The following DLG5 variants were observed in gnomAD, a reference collection of about 807,000 sequenced individuals.
The protein encoded by DLG5 is discs large MAGUK scaffold protein 5, also known as disks large homolog 5.
In DLG5, 48 loss-of-function variants were observed where a neutral mutation model predicts 189.8. That is an observed-to-expected ratio of 0.25 (90% CI 0.20 to 0.32). The LOEUF (loss-of-function observed/expected upper bound fraction) is 0.32. Ranked by LOEUF, DLG5 falls within the 10% of genes least tolerant of loss-of-function variation. The pLI is 1.00. For synonymous variants in DLG5, 1,016 were observed against 1,054.1 expected (o/e 0.96, Z 0.70); for missense variants, 2,160 against 2,544.7 (o/e 0.85, Z 3.25).
At chr10:77,924,168 G>A (rs1014908537) in intron 1 of DLG5, among the ~76,000 whole-genome samples, 7 of 152,116 alleles carry the variant, frequency 4.6e-5, no homozygotes, top group East Asian at 1.9e-4. Context: ...CCCAACCAGC[G>A]TTTTTCTAAT....
chr10:77,870,398 C>T (rs1290765645), intron 1 of DLG5, among the ~76,000 whole-genome samples: 1 of 152,112 alleles, frequency 6.6e-6, no homozygotes, highest in Non-Finnish European at 1.5e-5. Flanking sequence ...TTAAGGAGCT[C>T]CCAGCAGGGC....
intron 1 of DLG5, among the ~76,000 whole-genome samples, chr10:77,903,744 T>C (rs1165533549): frequency 6.6e-6 from 1 of 150,868 alleles, no homozygotes; most frequent in African/African-American, 2.5e-5. Context: ...TCATTATGTA[T>C]ATGGGAATAT....
Position 77,820,025 on chromosome 10 carries a change from A to C in DLG5, c.3403-7T>G. The C allele has an allele frequency of 6.2e-7, 1 of 1,613,072 alleles. No individual in the cohort carries two copies. The highest frequency in any genetic ancestry group is 8.5e-7 in the Non-Finnish European group (1 of 1,179,968). Reference sequence around the variant, plus strand: ...CCGGGACACACTTCTGTTCCTGCAGATGCAAGGGCAAGAGTGTCTGCTAGA... The same window carrying C: ...CCGGGACACACTTCTGTTCCTGCAGCTGCAAGGGCAAGAGTGTCTGCTAGA... On this transcript the variant is annotated splice_polypyrimidine_tract_variant and splice_region_variant and intron_variant, in intron 15 of 31. Coordinates refer to ENST00000372391, the MANE Select transcript of DLG5 (RefSeq NM_004747.4).
chr10:77,913,062 A>G (rs1290163945), intron 1 of DLG5, among the ~76,000 whole-genome samples: 1 of 152,230 alleles, frequency 6.6e-6, no homozygotes, highest in East Asian at 1.9e-4. Flanking sequence ...GCAGTTAACA[A>G]AAAAGACCTC....
rs533193678 is a variant in DLG5 at position 77,893,134 on chromosome 10, C to G, written c.305-23937G>C. 5.3e-5 allele frequency among the ~76,000 whole-genome samples: 8 copies of G among 152,300 alleles called. No individual in the cohort carries two copies. The South Asian group carries it at 1.0e-3, about 20-fold the overall frequency. Reference sequence around the variant, plus strand: ...GTTTCTTCCATTCTTGATTGCAGGACAAATAAACGTCACCTTACCTACCCA... The same window carrying G: ...GTTTCTTCCATTCTTGATTGCAGGAGAAATAAACGTCACCTTACCTACCCA... On this transcript the variant is annotated intron_variant, in intron 1 of 31. Transcript: ENST00000372391.
At chr10:77,847,727 A>C (rs1843763255) in intron 5 of DLG5, among the ~76,000 whole-genome samples, 2 of 152,246 alleles carry the variant, frequency 1.3e-5, no homozygotes, top group African/African-American at 4.8e-5. Context: ...AAGCTAATGA[A>C]GAGAGAATAT....
chr10:77,811,077 C>T lies in DLG5; in HGVS notation c.4463+17G>A, dbSNP rs201490609. ...CCGAAGCGGACACAGGGAAGGCTCACAGCAACGTCTGCTGACCTGGAGCTG... is the reference window on the plus strand; with the variant it reads ...CCGAAGCGGACACAGGGAAGGCTCATAGCAACGTCTGCTGACCTGGAGCTG... On this transcript the variant is annotated intron_variant, in intron 23 of 31. Transcript: ENST00000372391. 4.4e-6 allele frequency: 7 copies of T among 1,608,838 alleles called. No homozygotes were observed. In the East Asian group the frequency reaches 1.6e-4, roughly 36 times the overall value.
intron 22 of DLG5, 123 bp downstream of exon 22, chr10:77,811,801 T>G: frequency 7.3e-7 from 1 of 1,363,164 alleles, no homozygotes; most frequent in Non-Finnish European, 9.7e-7. Context: ...AACTCTCTCT[T>G]TAGCAGCAGT....
At chr10:77,912,624 C>T (rs1846256729) in intron 1 of DLG5, 2 of 152,198 alleles carry the variant, frequency 1.3e-5, no homozygotes, top group African/African-American at 4.8e-5. Context: ...CTCTGCTCCT[C>T]CCCACATCAC....
intron 1 of DLG5, among the ~76,000 whole-genome samples, chr10:77,880,652 A>C (rs1052645295): frequency 6.6e-6 from 1 of 152,138 alleles, no homozygotes; most frequent in Non-Finnish European, 1.5e-5. Flanking sequence ...AGGCTGATGG[A>C]AATGAGGCAG....
intron 20 of DLG5, among the ~76,000 whole-genome samples, chr10:77,813,303 T>C (rs568211613): frequency 4.4e-4 from 67 of 152,258 alleles, no homozygotes; most frequent in African/African-American, 1.6e-3. Context: ...ATGGTCAGGA[T>C]AGATTCTAGC....
intron 2 of DLG5, among the ~76,000 whole-genome samples, chr10:77,863,472 G>C (rs916184207): frequency 3.9e-5 from 6 of 152,162 alleles, no homozygotes; most frequent in Admixed American, 2.0e-4. Flanking sequence ...GACAGGTAAA[G>C]AGATGAGGAC....
rs1842062873 is a variant in DLG5, at chr10:77,816,583, G to T, written c.3993C>A (p.Asn1331Lys). The T allele has an allele frequency of 6.2e-7, 1 of 1,614,052 alleles. No homozygotes were observed. Among genetic ancestry groups the T allele is most frequent in the Admixed American group, 1.7e-5 (1 of 60,006 alleles). Residue 1331 changes from asparagine (N) to lysine (K), a missense_variant, in exon 20 of 32, where the codon AAC becomes AAA. This residue lies in a region of DLG5 where 754 missense variants were observed against 746.5 expected (regional missense o/e 1.01). Transcript: ENST00000372391. The stretch of plus-strand genomic sequence containing the variant: ...TTCTCCGCTCCCCGAGGGACGCGGG[G>T]TTGACAGCGATTCTGGGCAATGTGG... ...SASTLPRIAV[N>K]PASLGERRKD...
At chr10:77,898,916 G>A (rs1482967549) in intron 1 of DLG5, among the ~76,000 whole-genome samples, 1 of 152,228 alleles carries the variant, frequency 6.6e-6, no homozygotes, top group East Asian at 1.9e-4. Flanking sequence ...CTACCCAGAT[G>A]CGGCAAAGAG....
At position 77,821,217 on chromosome 10, in the gene DLG5, C is replaced by T. The variant is rs759858893; in HGVS notation, c.3267G>A (p.Pro1089=). The change falls in exon 15 of 32, where the codon CCG becomes CCA. Residue 1089 remains proline (P), a synonymous_variant. Coordinates refer to ENST00000372391, the MANE Select transcript of DLG5 (RefSeq NM_004747.4). ...PEGDGDSSHL[P]AKKSCDEDLT... ...GGTCCTCATCACAGGATTTCTTGGC[C>T]GGCAGGTGGGAGGAGTCCCCATCTC... The T allele has an allele frequency of 1.6e-5, 26 of 1,614,000 alleles. No homozygotes were observed. Among genetic ancestry groups the T allele is most frequent in the Admixed American group, 5.0e-5 (3 of 60,010 alleles).
rs555645015 is a variant in DLG5, at chr10:77,824,513, G to A, written c.2290-37C>T. On this transcript the variant is annotated intron_variant, in intron 13 of 31. Transcript: ENST00000372391. ...CAGAGAGCATGTCAGGCCACAGGCA[G>A]AGCGGCCTCAGGCCTACCAGTCAGG... is the stretch of plus-strand genomic sequence containing the variant. 3.2e-6 allele frequency: 5 copies of A among 1,559,630 alleles called. No homozygotes were observed. In the African/African-American group the frequency reaches 4.1e-5, roughly 13 times the overall value.
chr10:77,835,760 C>T lies in DLG5; in HGVS notation c.1600G>A (p.Val534Ile), dbSNP rs1419182046. The change falls in exon 8 of 32, where the codon GTA becomes ATA. Residue 534 changes from valine to isoleucine, a missense_variant. Physicochemically the swap from Val to Ile is conservative, Grantham distance 29. This residue lies in a region of DLG5 where 664 missense variants were observed against 838.5 expected (regional missense o/e 0.79). Transcript: ENST00000372391. ...TACCGGATGCTGTCACGCTCTGCTACAATCTTGTCTCGCTCCTGGAAGGCC... is the reference window on the plus strand; with the variant it reads ...TACCGGATGCTGTCACGCTCTGCTATAATCTTGTCTCGCTCCTGGAAGGCC... ...DWAFQERDKI[V>I]AERDSIRTLC... 6.2e-7 allele frequency: 1 copy of T among 1,612,828 alleles called. No individual in the cohort carries two copies. The highest frequency in any genetic ancestry group is 8.5e-7 in the Non-Finnish European group (1 of 1,179,854).
chr10:77,836,045 C>A lies in DLG5; in HGVS notation c.1438-123G>T. The A allele has an allele frequency of 3.0e-6, 3 of 1,003,870 alleles. No homozygotes were observed. The Admixed American group carries it at 8.3e-5, about 28-fold the overall frequency. 62.2% of individuals were successfully genotyped at this position (1,003,870 alleles called of 1,614,324 possible). ...GAGCTGGATGGAGGGAAACACGGAGCCCATCGCAGCACACCCCATACCCCC... is the reference window on the plus strand; with the variant it reads ...GAGCTGGATGGAGGGAAACACGGAGACCATCGCAGCACACCCCATACCCCC... On this transcript the variant is annotated intron_variant, in intron 7 of 31. Coordinates refer to ENST00000372391, the MANE Select transcript of DLG5 (RefSeq NM_004747.4).
intron 1 of DLG5, 39 bp from the exon 2 acceptor site, chr10:77,869,236 G>A: frequency 6.3e-7 from 1 of 1,596,002 alleles, no homozygotes; most frequent in Non-Finnish European, 8.6e-7. Context: ...AACCCCAAGG[G>A]GTCACTCGTC....
Sources: gnomAD v4.1 joint callset for allele counts (sites outside exome capture counted in the v4.1 genomes callset) on GRCh38, gnomAD v4.1.1 for gene constraint, gnomAD v4.1.1 regional missense constraint, MANE v1.5 for transcripts, NCBI Gene and HGNC (gene_info 2026-07-23, HGNC 2026-07-21) for gene names.